The following PATJ variants were observed in gnomAD, a reference collection of about 807,000 sequenced individuals.
PATJ encodes inaD-like protein.
A neutral mutation model predicts 224.9 loss-of-function variants in PATJ; 190 were observed. The ratio of observed to expected loss-of-function variants is 0.84; its 90% confidence interval spans 0.75 to 0.95. The LOEUF is 0.95. Among genes scored for constraint, PATJ ranks in the 40% least tolerant of loss-of-function variants. The probability of loss-of-function intolerance (pLI) is 0.00; values close to 1 mark genes in which losing one functional copy is unlikely to be tolerated. For missense variants in PATJ, 2,121 were observed against 2,270.3 expected (o/e 0.93, Z 1.34); for synonymous variants, 769 against 820.3 (o/e 0.94, Z 1.07).
chr1:62,013,537 T>TG (rs1646578665), intron 28 of PATJ: 1 of 979,652 alleles, frequency 1.0e-6, no homozygotes, highest in African/African-American at 1.8e-5. Context: ...CAGTAGGTGT[T>TG]GCGTGCCTGC....
At chr1:61,797,086 C>T (rs1054747713) in intron 10 of PATJ, among the ~76,000 whole-genome samples, 7 of 152,068 alleles carry the variant, frequency 4.6e-5, no homozygotes, top group Admixed American at 3.3e-4. Flanking sequence ...AGTCTGGTCT[C>T]GAACTCCTGA....
intron 7 of PATJ, among the ~76,000 whole-genome samples, chr1:61,779,264 G>A (rs1427972440): frequency 1.3e-5 from 2 of 152,154 alleles, no homozygotes; most frequent in Admixed American, 6.5e-5. Flanking sequence ...TCCAAAATAC[G>A]TAGGGAAGGC....
At chr1:61,758,672 A>G (rs911017176) in intron 1 of PATJ, among the ~76,000 whole-genome samples, 1 of 152,164 alleles carries the variant, frequency 6.6e-6, no homozygotes, top group South Asian at 2.1e-4. Context: ...ATTTGTTTAC[A>G]GAAGTAAAAT....
chr1:62,153,361 ACCT>A lies in PATJ; in HGVS notation c.5385_5387del (p.Pro1797del), dbSNP rs1668825685. 1 of 1,231,332 alleles carries A rather than the reference ACCT, an allele frequency of 8.1e-7. No homozygotes were observed. Among genetic ancestry groups the A allele is most frequent in the Non-Finnish European group, 1.0e-6 (1 of 987,314 alleles). 76.3% of individuals were successfully genotyped at this position (1,231,332 alleles called of 1,614,324 possible). On this transcript the variant is annotated inframe_deletion, in exon 43 of 44. Coordinates refer to ENST00000642238, the MANE Select transcript of PATJ (RefSeq NM_001350145.3). ...ACAGCATGCATTGTGTTTTCAGAACACCTCCACCTAAGATTATTACTTTGGAGA... is the reference window on the plus strand; with the variant it reads ...ACAGCATGCATTGTGTTTTCAGAACACCACCTAAGATTATTACTTTGGAGA...
At chr1:61,897,843 C>G (rs1670595448) in intron 22 of PATJ, among the ~76,000 whole-genome samples, 1 of 67,482 alleles carries the variant, frequency 1.5e-5, no homozygotes, top group African/African-American at 5.3e-5. Flanking sequence ...CAGCAAGGGT[C>G]TGCCAAGTTG....
intron 29 of PATJ, among the ~76,000 whole-genome samples, chr1:62,036,200 G>A (rs1650352238): frequency 6.6e-6 from 1 of 152,176 alleles, no homozygotes; most frequent in South Asian, 2.1e-4. Flanking sequence ...TTTGCTGGGT[G>A]GAGAATGGGT....
At chr1:62,089,179 T>C (rs1660406693) in intron 33 of PATJ, among the ~76,000 whole-genome samples, 1 of 152,168 alleles carries the variant, frequency 6.6e-6, no homozygotes, top group African/African-American at 2.4e-5. Flanking sequence ...CTTTTGCCGC[T>C]GTTAATCTGA....
At chr1:61,839,337 A>G (rs1660713702) in intron 17 of PATJ, among the ~76,000 whole-genome samples, 1 of 152,128 alleles carries the variant, frequency 6.6e-6, no homozygotes, top group Non-Finnish European at 1.5e-5. Flanking sequence ...CTTATATGAA[A>G]GTTTAGCAGG....
intron 33 of PATJ, among the ~76,000 whole-genome samples, chr1:62,106,460 G>C (rs1036831358): frequency 2.6e-5 from 4 of 151,400 alleles, no homozygotes; most frequent in African/African-American, 9.7e-5. Context: ...CACAAAGGGA[G>C]ATGCAATCTC....
chr1:61,988,977 TG>T (rs1353465680), intron 27 of PATJ, among the ~76,000 whole-genome samples: 1 of 152,214 alleles, frequency 6.6e-6, no homozygotes, highest in Non-Finnish European at 1.5e-5. Context: ...TAAAAGCTGA[TG>T]AGATGATTGC....
intron 22 of PATJ, among the ~76,000 whole-genome samples, chr1:61,892,460 T>C (rs1362975500): frequency 1.3e-5 from 2 of 152,162 alleles, no homozygotes; most frequent in African/African-American, 4.8e-5. Context: ...AGTCTTACCA[T>C]TAATATCCAC....
chr1:62,117,828 C>T (rs1307415516), intron 37 of PATJ, among the ~76,000 whole-genome samples: 1 of 152,026 alleles, frequency 6.6e-6, no homozygotes, highest in Non-Finnish European at 1.5e-5. Context: ...AGATGGTAGA[C>T]TGTATGGTTA....
At chr1:61,859,966 T>C (rs893205570) in intron 18 of PATJ, among the ~76,000 whole-genome samples, 1 of 152,060 alleles carries the variant, frequency 6.6e-6, no homozygotes, top group Non-Finnish European at 1.5e-5. Context: ...ACAGTGCAAG[T>C]GGGGACAGAG....
chr1:61,769,202 C>T (rs1646461523), intron 4 of PATJ, 81 bp from the exon 5 acceptor site: 1 of 1,410,728 alleles, frequency 7.1e-7, no homozygotes, highest in South Asian at 1.4e-5. Flanking sequence ...TGCTTTTATG[C>T]TAAGCAATTT....
intron 27 of PATJ, among the ~76,000 whole-genome samples, chr1:61,957,179 T>C (rs552205926): frequency 6.6e-6 from 1 of 152,298 alleles, no homozygotes; most frequent in Non-Finnish European, 1.5e-5. Context: ...CTAATGAATA[T>C]TCATAAGAGA....
chr1:61,767,066 C>G (rs1646325065), intron 4 of PATJ, among the ~76,000 whole-genome samples: 1 of 152,142 alleles, frequency 6.6e-6, no homozygotes, highest in Non-Finnish European at 1.5e-5. Context: ...GTACTCCAGC[C>G]TGGGTGACAC....
At chr1:61,916,415 T>C (rs2149242687) in intron 26 of PATJ, among the ~76,000 whole-genome samples, 1 of 152,270 alleles carries the variant, frequency 6.6e-6, no homozygotes, top group East Asian at 1.9e-4. Context: ...ATAAACTCTT[T>C]GGAATAAGGT....
chr1:61,947,284 G>C (rs1027892018), intron 27 of PATJ, among the ~76,000 whole-genome samples: 2 of 152,158 alleles, frequency 1.3e-5, no homozygotes, highest in Non-Finnish European at 2.9e-5. Context: ...AACTGTCCCT[G>C]TTTGCAGATG....
intron 41 of PATJ, among the ~76,000 whole-genome samples, chr1:62,140,673 A>G (rs1297813657): frequency 6.6e-6 from 1 of 152,004 alleles, no homozygotes; most frequent in Non-Finnish European, 1.5e-5. Flanking sequence ...ATTGATTTTT[A>G]CCCAAATAAA....
Sources: allele counts gnomAD v4.1 joint callset (sites outside exome capture counted in the v4.1 genomes callset), GRCh38; gene constraint gnomAD v4.1.1; transcripts MANE v1.5; gene names NCBI Gene and HGNC (gene_info 2026-07-23, HGNC 2026-07-21).